Variants in ZNF483 observed in about 807,000 individuals in gnomAD.
ZNF483 encodes the protein zinc finger protein 483, also known as zinc finger protein HIT-10.
ZNF483 carries 9 observed loss-of-function variants against 28.6 expected under a neutral mutation model. The ratio of observed to expected loss-of-function variants is 0.32; its 90% CI spans 0.19 to 0.55. The LOEUF is 0.55. Ranked by LOEUF, ZNF483 falls within the 20% of genes least tolerant of loss-of-function variation. The pLI is 0.93. For missense variants in ZNF483, 675 were observed against 871.7 expected (o/e 0.77, Z 2.84); for synonymous variants, 322 against 306.2 (o/e 1.05, Z -0.54).
At chr9:111,559,549 C>G (rs1828215109), downstream of ZNF483, among the ~76,000 whole-genome samples, 1 of 152,080 alleles carries the variant, frequency 6.6e-6, no homozygotes, top group African/African-American at 2.4e-5. Context: ...CCACAACACA[C>G]TGCCCAACCC....
chr9:111,563,101 G>A, intron 5 of ZNF483: 1 of 1,610,556 alleles, frequency 6.2e-7, no homozygotes, highest in Non-Finnish European at 8.5e-7. Context: ...ATGGCCTCCA[G>A]ATTCCATGTG....
intron 5 of ZNF483, among the ~76,000 whole-genome samples, chr9:111,571,011 G>GAAGGAGTGCCA (rs1289104207): frequency 1.3e-5 from 2 of 151,194 alleles, no homozygotes; most frequent in Admixed American, 1.3e-4. Flanking sequence ...AGAAATACAG[G>GAAGGAGTGCCA]CAGCTGCTAG....
chr9:111,551,126 TG>T lies in ZNF483; in HGVS notation c.*7957del, dbSNP rs1340843096. ...AAAATAAAACAGGTAAAATTAAAAA[TG>T]TATTTTACTTCACCCAATATATCCA... On this transcript the variant is annotated 3_prime_UTR_variant, in exon 6 of 6. Coordinates refer to ENST00000309235, the MANE Select transcript of ZNF483 (RefSeq NM_133464.5). 3.9e-5 allele frequency among the ~76,000 whole-genome samples: 6 copies of T among 152,332 alleles called. 1 individual carries two copies. Among genetic ancestry groups the T allele is most frequent in the Admixed American group, 2.6e-4 (4 of 15,306 alleles).
At chr9:111,558,357 C>A (rs1413020086), downstream of ZNF483, among the ~76,000 whole-genome samples, 1 of 151,952 alleles carries the variant, frequency 6.6e-6, no homozygotes, top group Non-Finnish European at 1.5e-5. Context: ...CTTCATTATT[C>A]TTTGAGCACT....
intron 5 of ZNF483, among the ~76,000 whole-genome samples, chr9:111,571,692 A>G (rs1828829695): frequency 6.6e-6 from 1 of 151,970 alleles, no homozygotes; most frequent in Non-Finnish European, 1.5e-5. Flanking sequence ...TTTTTCTGTC[A>G]GAGATGAGGT....
intron 3 of ZNF483, among the ~76,000 whole-genome samples, chr9:111,533,473 A>G (rs1291897690): frequency 6.6e-6 from 1 of 152,136 alleles, no homozygotes; most frequent in Non-Finnish European, 1.5e-5. Context: ...CTTGAGCCCA[A>G]GAGTTTGAGA....
rs1418721179 is a variant in ZNF483 at position 111,555,333 on chromosome 9, CTT to C, written c.*12165_*12166del. Among the ~76,000 whole-genome samples the C allele has an allele frequency of 1.9e-4, 29 of 152,104 alleles. No individual in the cohort carries two copies. The highest frequency in any genetic ancestry group is 1.8e-3 in the Admixed American group (28 of 15,266). On this transcript the variant is annotated 3_prime_UTR_variant, in exon 6 of 6. Transcript: ENST00000309235. ...ACTGTTCTGTGCACATTTTCAAACT[CTT>C]TAGCCTCTGATTTTCTCCCTACTTC...
At chr9:111,562,895 C>T (rs1828373834) in intron 5 of ZNF483, 1 of 1,252,126 alleles carries the variant, frequency 8.0e-7, no homozygotes, top group African/African-American at 1.5e-5. Flanking sequence ...TACCACAACT[C>T]AGAAGAAGCT....
intron 3 of ZNF483, 48 bp downstream of exon 3, chr9:111,531,011 G>A (rs1827331779): frequency 2.1e-6 from 2 of 931,682 alleles, no homozygotes; most frequent in Admixed American, 2.0e-5. Context: ...ACTTAATTGA[G>A]CTCCTACTGA....
rs1172194603 is a variant in ZNF483 at position 111,560,974 on chromosome 9, TAGAGAGAG to T, written c.722-15354_722-15347del. On this transcript the variant is annotated intron_variant, in intron 5 of 5. Coordinates refer to the ZNF483 transcript ENST00000358151. ...ATATATATATATATATATATATATA[TAGAGAGAG>T]AGAGAGAGAGAGAGAGAGAGAGAGA... Among the ~76,000 whole-genome samples, 13 of 9,334 alleles carry T rather than the reference TAGAGAGAG, an allele frequency of 1.4e-3. 1 individual carries two copies. The highest frequency in any genetic ancestry group is 4.3e-3 in the South Asian group (1 of 232). The allele number at this position is 9,334 out of a possible 152,430, so 6.1% of individuals were successfully genotyped here. A position where few individuals can be genotyped will look rare whatever the true frequency, so the allele number is the denominator to read the frequency against.
chr9:111,567,907 C>T (rs1421942836), intron 5 of ZNF483, among the ~76,000 whole-genome samples: 1 of 152,088 alleles, frequency 6.6e-6, no homozygotes, highest in African/African-American at 2.4e-5. Context: ...TATCAGTTCC[C>T]AAATTAATAC....
intron 5 of ZNF483, among the ~76,000 whole-genome samples, chr9:111,571,964 G>T (rs1564614021): frequency 6.6e-6 from 1 of 152,132 alleles, no homozygotes; most frequent in Admixed American, 6.5e-5. Flanking sequence ...TTTTTTGGTT[G>T]CCTGGTTGAT....
intron 3 of ZNF483, among the ~76,000 whole-genome samples, chr9:111,532,174 A>G (rs1396561629): frequency 1.3e-5 from 2 of 152,082 alleles, no homozygotes; most frequent in Non-Finnish European, 2.9e-5. Flanking sequence ...AGCTGGGCAT[A>G]GTCACATACC....
At chr9:111,537,372 C>T (rs929113519) in intron 5 of ZNF483, among the ~76,000 whole-genome samples, 6 of 151,976 alleles carry the variant, frequency 3.9e-5, no homozygotes, top group Non-Finnish European at 8.8e-5. Context: ...CAGGCATGCA[C>T]CACCATGCCC....
chr9:111,573,247 G>A (rs1456904950), intron 5 of ZNF483, among the ~76,000 whole-genome samples: 1 of 152,176 alleles, frequency 6.6e-6, no homozygotes, highest in East Asian at 1.9e-4. Flanking sequence ...AATTTCCCAT[G>A]ATTCCAGCTT....
Position 111,548,852 on chromosome 9 carries a change from C to T in ZNF483, c.*5682C>T, listed in dbSNP as rs559539918. On this transcript the variant is annotated 3_prime_UTR_variant, in exon 6 of 6. Transcript: ENST00000309235. ...TTTTCTTTCTGCATTAAGAGTATAACAACGCCACAGCCTTCTGGCTTCCAA... is the reference window on the plus strand; with the variant it reads ...TTTTCTTTCTGCATTAAGAGTATAATAACGCCACAGCCTTCTGGCTTCCAA... Among the ~76,000 whole-genome samples the T allele has an allele frequency of 1.3e-5, 2 of 150,978 alleles. No individual in the cohort carries two copies. Among genetic ancestry groups the T allele is most frequent in the Non-Finnish European group, 2.9e-5 (2 of 67,866 alleles).
chr9:111,555,849 A>G (rs188990618), downstream of ZNF483, among the ~76,000 whole-genome samples: 1 of 152,294 alleles, frequency 6.6e-6, no homozygotes, highest in East Asian at 1.9e-4. Flanking sequence ...GCCAAACTAT[A>G]TCATTCCACC....
At chr9:111,536,821 CAT>C (rs1039838871) in intron 5 of ZNF483, among the ~76,000 whole-genome samples, 1 of 151,704 alleles carries the variant, frequency 6.6e-6, no homozygotes, top group African/African-American at 2.4e-5. Flanking sequence ...AACATAATTA[CAT>C]ATGTTATGTG....
Position 111,534,366 on chromosome 9 carries a change from A to G in ZNF483, c.721+13A>G. Reference sequence around the variant, plus strand: ...AGCTCCCGACTAGGTGAGTTGGTGAAAAATACACAACGAAATTAAAGCAGT... The same window carrying G: ...AGCTCCCGACTAGGTGAGTTGGTGAGAAATACACAACGAAATTAAAGCAGT... On this transcript the variant is annotated intron_variant, in intron 5 of 5. Coordinates refer to ENST00000309235, the MANE Select transcript of ZNF483 (RefSeq NM_133464.5). The G allele has an allele frequency of 6.2e-7, 1 of 1,608,942 alleles. No homozygotes were observed. The highest frequency in any genetic ancestry group is 8.5e-7 in the Non-Finnish European group (1 of 1,175,342).
Sources: gnomAD v4.1 joint callset for allele counts (sites outside exome capture counted in the v4.1 genomes callset) on GRCh38, gnomAD v4.1.1 for gene constraint, MANE v1.5 for transcripts, NCBI Gene and HGNC (gene_info 2026-07-23, HGNC 2026-07-21) for gene names.